The following ERBB4 variants were observed in gnomAD, a reference collection of about 807,000 sequenced individuals.
ERBB4 encodes erb-b2 receptor tyrosine kinase 4.
Under a neutral mutation model 158.0 loss-of-function variants are expected in ERBB4, and 42 were observed. The observed-to-expected ratio is 0.27, with a 90% CI of 0.21 to 0.34. The LOEUF is 0.34. Among genes scored for constraint, ERBB4 ranks in the 10% least tolerant of loss-of-function variants. ERBB4 has a pLI of 1.00. For synonymous variants in ERBB4, 583 were observed against 558.7 expected (o/e 1.04, Z -0.61); for missense variants, 1,333 against 1,624.1 (o/e 0.82, Z 3.08).
chr2:211,838,221 G>A (rs930580144), intron 3 of ERBB4, among the ~76,000 whole-genome samples: 19 of 151,970 alleles, frequency 1.3e-4, no homozygotes, highest in African/African-American at 4.6e-4. Context: ...GGTTATTTGA[G>A]TAATTTCTGT....
chr2:211,454,487 C>T (rs2064329396), intron 20 of ERBB4, among the ~76,000 whole-genome samples: 1 of 152,048 alleles, frequency 6.6e-6, no homozygotes, highest in Admixed American at 6.6e-5. Context: ...AATCAGGCAC[C>T]CAATTGCACT....
At chr2:211,680,485 A>G (rs2072288827) in intron 12 of ERBB4, among the ~76,000 whole-genome samples, 1 of 152,238 alleles carries the variant, frequency 6.6e-6, no homozygotes, top group African/African-American at 2.4e-5. Context: ...TTTACTTATT[A>G]TGAGATGTAA....
intron 4 of ERBB4, among the ~76,000 whole-genome samples, chr2:211,758,553 T>A (rs2075336985): frequency 6.6e-6 from 1 of 152,158 alleles, no homozygotes; most frequent in Non-Finnish European, 1.5e-5. Context: ...ACAGAATTAG[T>A]TCCAATCAAT....
intron 1 of ERBB4, among the ~76,000 whole-genome samples, chr2:212,321,632 T>C (rs1392011060): frequency 1.3e-5 from 2 of 150,584 alleles, no homozygotes; most frequent in African/African-American, 2.4e-5. Flanking sequence ...AAGGCTGCAA[T>C]AAACTAGGAT....
intron 18 of ERBB4, among the ~76,000 whole-genome samples, chr2:211,619,843 G>A (rs980665317): frequency 6.6e-6 from 1 of 152,006 alleles, no homozygotes; most frequent in Non-Finnish European, 1.5e-5. Context: ...CAAGTGCTAG[G>A]GGATATTGAG....
chr2:211,528,922 T>A (rs1247121128), intron 20 of ERBB4, among the ~76,000 whole-genome samples: 1 of 150,808 alleles, frequency 6.6e-6, no homozygotes, highest in African/African-American at 2.4e-5. Context: ...TTCAAGAAAA[T>A]AACCTAATGA....
At chr2:211,785,989 C>A (rs1026513795) in intron 4 of ERBB4, among the ~76,000 whole-genome samples, 2 of 151,880 alleles carry the variant, frequency 1.3e-5, no homozygotes, top group Admixed American at 6.6e-5. Context: ...TCCATTGCCT[C>A]AAAAAATATT....
intron 2 of ERBB4, among the ~76,000 whole-genome samples, chr2:212,004,927 T>C (rs1001736421): frequency 1.3e-5 from 2 of 152,222 alleles, no homozygotes; most frequent in South Asian, 2.1e-4. Context: ...ATCTGGAACA[T>C]TGTCAATAAT....
At chr2:212,173,694 T>C (rs1342217435) in intron 1 of ERBB4, among the ~76,000 whole-genome samples, 1 of 152,128 alleles carries the variant, frequency 6.6e-6, no homozygotes, top group East Asian at 1.9e-4. Context: ...AGTGTTGATC[T>C]TATTGTGACT....
At chr2:212,468,281 G>A (rs917640620) in intron 1 of ERBB4, among the ~76,000 whole-genome samples, 2 of 152,140 alleles carry the variant, frequency 1.3e-5, no homozygotes, top group Non-Finnish European at 2.9e-5. Flanking sequence ...TGAGATTTGG[G>A]AGGGGCCAGG....
intron 2 of ERBB4, among the ~76,000 whole-genome samples, chr2:212,004,790 A>C (rs533026473): frequency 1.3e-5 from 2 of 152,164 alleles, no homozygotes; most frequent in South Asian, 4.2e-4. Flanking sequence ...TTTATATTAT[A>C]AAACTAATCC....
chr2:211,542,588 A>G (rs779137908), intron 20 of ERBB4, among the ~76,000 whole-genome samples: 3 of 152,064 alleles, frequency 2.0e-5, no homozygotes, highest in Non-Finnish European at 4.4e-5. Flanking sequence ...AAGATGTTCT[A>G]AAAATTTGTA....
At chr2:211,411,551 C>T (rs1289042964) in intron 25 of ERBB4, among the ~76,000 whole-genome samples, 1 of 152,164 alleles carries the variant, frequency 6.6e-6, no homozygotes, top group Non-Finnish European at 1.5e-5. Context: ...CCTCTAAAGT[C>T]AAACAGAAAG....
At chr2:211,744,253 C>T (rs34156641) in intron 5 of ERBB4, among the ~76,000 whole-genome samples, 19,867 of 151,858 alleles carry the variant, frequency 0.13, 1,491 homozygotes, top group East Asian at 0.31. Context: ...CTGTGGCACC[C>T]AAAAAAGTAC....
At chr2:212,380,045 T>C (rs1326438256) in intron 1 of ERBB4, among the ~76,000 whole-genome samples, 3 of 151,526 alleles carry the variant, frequency 2.0e-5, no homozygotes, top group South Asian at 2.1e-4. Context: ...TAAGTCTCTT[T>C]ATAGCTGCCA....
intron 3 of ERBB4, among the ~76,000 whole-genome samples, chr2:211,938,365 G>A (rs1303281726): frequency 6.6e-6 from 1 of 152,100 alleles, no homozygotes; most frequent in Non-Finnish European, 1.5e-5. Flanking sequence ...CCTGTCTTGT[G>A]ATTCTCCACG....
At chr2:212,415,356 T>C (rs182228824) in intron 1 of ERBB4, among the ~76,000 whole-genome samples, 287 of 152,250 alleles carry the variant, frequency 1.9e-3, no homozygotes, top group Admixed American at 3.6e-3. Flanking sequence ...ATTAGATACT[T>C]AGAAAAGAAA....
chr2:211,461,084 G>T (rs888032148), intron 20 of ERBB4, among the ~76,000 whole-genome samples: 5 of 117,638 alleles, frequency 4.3e-5, no homozygotes, highest in African/African-American at 1.4e-4. Flanking sequence ...AGAGATTGGG[G>T]GAAAAAAAAA....
At chr2:211,490,052 A>G (rs760809149) in intron 20 of ERBB4, among the ~76,000 whole-genome samples, 5 of 152,062 alleles carry the variant, frequency 3.3e-5, no homozygotes, top group African/African-American at 4.8e-5. Flanking sequence ...GGGTCCTCCT[A>G]TGTGAATGGG....
Sources: gnomAD v4.1 joint callset for allele counts (sites outside exome capture counted in the v4.1 genomes callset) on GRCh38, gnomAD v4.1.1 for gene constraint, MANE v1.5 for transcripts, NCBI Gene and HGNC (gene_info 2026-07-23, HGNC 2026-07-21) for gene names.